The following STOX1 variants were observed in gnomAD, a reference collection of about 807,000 sequenced individuals.
STOX1 encodes the protein storkhead-box protein 1.
A neutral mutation model predicts 74.8 loss-of-function variants in STOX1; 57 were observed. That is an observed-to-expected ratio of 0.76 (90% confidence interval 0.62 to 0.95). STOX1 has a LOEUF of 0.95. STOX1 is among the 40% of genes least tolerant of loss of function. STOX1 has a pLI of 0.00. For missense variants in STOX1, 1,010 were observed against 1,117.0 expected (o/e 0.90, Z 1.37); for synonymous variants, 375 against 401.3 (o/e 0.93, Z 0.78).
At chr10:68,852,096 C>T (rs541017943) in intron 1 of STOX1, among the ~76,000 whole-genome samples, 9 of 151,316 alleles carry the variant, frequency 5.9e-5, no homozygotes, top group East Asian at 3.9e-4. Context: ...ATTGTGCCAC[C>T]GCACTCCAGC....
chr10:68,853,187 A>G (rs995342800), intron 1 of STOX1, among the ~76,000 whole-genome samples: 3 of 152,076 alleles, frequency 2.0e-5, no homozygotes, highest in African/African-American at 7.3e-5. Context: ...GGCCTCCCAA[A>G]GCTCTGGGAT....
chr10:68,834,728 C>CT lies in STOX1; in HGVS notation c.310+6802dup, dbSNP rs528572374. The stretch of plus-strand genomic sequence containing the variant: ...TAACCACTATTTGGAATTATTTTTT[C>CT]TTTTTTTGTTTTTTGAGATGGAGTC... On this transcript the variant is annotated intron_variant, in intron 1 of 3. Transcript: ENST00000298596. 1.5e-3 allele frequency among the ~76,000 whole-genome samples: 224 copies of CT among 152,130 alleles called. 2 individuals are homozygous for CT. Among genetic ancestry groups the CT allele is most frequent in the South Asian group, 5.6e-3 (27 of 4,808 alleles).
intron 1 of STOX1, among the ~76,000 whole-genome samples, chr10:68,849,739 G>C (rs1839933789): frequency 6.6e-6 from 1 of 152,146 alleles, no homozygotes; most frequent in Non-Finnish European, 1.5e-5. Flanking sequence ...TTCCTCTCAT[G>C]ATTGTTCTTT....
intron 1 of STOX1, among the ~76,000 whole-genome samples, chr10:68,847,705 G>T (rs1293385297): frequency 1.3e-5 from 2 of 150,266 alleles, no homozygotes; most frequent in African/African-American, 4.9e-5. Flanking sequence ...CCACTGCACC[G>T]CTGGAAGGTA....
At position 68,865,843 on chromosome 10, in the gene STOX1, G is replaced by A. The variant is rs192988583; in HGVS notation, c.311-16115G>A. ...GGATTCCCTTTTGAAGCTGTTCTTT[G>A]AGTAATTCATTTAAAGCCTCCAGTT... On this transcript the variant is annotated intron_variant, in intron 1 of 3. Coordinates refer to ENST00000298596, the MANE Select transcript of STOX1 (RefSeq NM_152709.5). Among the ~76,000 whole-genome samples the A allele has an allele frequency of 3.9e-3, 590 of 152,170 alleles. 3 individuals are homozygous for A. The highest frequency in any genetic ancestry group is 0.013 in the African/African-American group (560 of 41,510).
At chr10:68,833,555 G>C (rs777719664) in intron 1 of STOX1, among the ~76,000 whole-genome samples, 2 of 152,054 alleles carry the variant, frequency 1.3e-5, no homozygotes, top group African/African-American at 4.8e-5. Flanking sequence ...ACAAGCAGGG[G>C]GTACGTGACA....
At chr10:68,886,843 C>T (rs1840976446) in intron 3 of STOX1, among the ~76,000 whole-genome samples, 1 of 151,794 alleles carries the variant, frequency 6.6e-6, no homozygotes, top group African/African-American at 2.4e-5. Flanking sequence ...TCGCTTAAAC[C>T]CGGGAGGTGG....
intron 1 of STOX1, among the ~76,000 whole-genome samples, chr10:68,858,909 A>G (rs1222169125): frequency 6.6e-6 from 1 of 152,064 alleles, no homozygotes; most frequent in African/African-American, 2.4e-5. Flanking sequence ...TGGTAGCACT[A>G]CACATGTTTT....
chr10:68,869,649 G>GGTACAGTACTTAGCTGAAGGGTA (rs1279027862), intron 1 of STOX1, among the ~76,000 whole-genome samples: 2 of 152,148 alleles, frequency 1.3e-5, no homozygotes, highest in Non-Finnish European at 2.9e-5. Context: ...CACAGCTGAA[G>GGTACAGTACTTAGCTGAAGGGTA]GTACAGTACT....
At chr10:68,874,765 A>G (rs977310924) in intron 1 of STOX1, among the ~76,000 whole-genome samples, 2 of 152,052 alleles carry the variant, frequency 1.3e-5, no homozygotes, top group Non-Finnish European at 2.9e-5. Flanking sequence ...CTACAAATAA[A>G]TGCCTTCTCT....
chr10:68,867,788 T>C (rs557424508), intron 1 of STOX1, among the ~76,000 whole-genome samples: 52 of 152,362 alleles, frequency 3.4e-4, no homozygotes, highest in African/African-American at 1.2e-3. Flanking sequence ...TATGCCTTTT[T>C]GAGTGCACTG....
At position 68,864,975 on chromosome 10, in the gene STOX1, T is replaced by C. The variant is rs186803326; in HGVS notation, c.311-16983T>C. Among the ~76,000 whole-genome samples the C allele has an allele frequency of 3.2e-3, 487 of 152,348 alleles. 2 individuals carry two copies. Among genetic ancestry groups the C allele is most frequent in the Admixed American group, 5.9e-3 (91 of 15,306 alleles). ...GTGGCACTATTGTAGTGTCATTTACTAAGGTCCTCAAGTAGGAGTAAGGAG... is the reference window on the plus strand; with the variant it reads ...GTGGCACTATTGTAGTGTCATTTACCAAGGTCCTCAAGTAGGAGTAAGGAG... On this transcript the variant is annotated intron_variant, in intron 1 of 3. Transcript: ENST00000298596.
Position 68,884,312 on chromosome 10 carries a change from T to C in STOX1, c.516T>C (p.Ile172=). ...TTTATACCACTCTGGGAACGCTGAT[T>C]AAAGAAAGGAAGATTTATCACACTG... ...DILYTTLGTL[I]KERKIYHTGE... Residue 172 remains isoleucine (I), a synonymous_variant, in exon 3 of 4, where the codon ATT becomes ATC. Transcript: ENST00000298596. 1.2e-6 allele frequency: 2 copies of C among 1,614,170 alleles called. No homozygotes were observed. The highest frequency in any genetic ancestry group is 1.7e-6 in the Non-Finnish European group (2 of 1,180,038).
chr10:68,832,910 C>G (rs141374178), intron 1 of STOX1, among the ~76,000 whole-genome samples: 1 of 151,720 alleles, frequency 6.6e-6, no homozygotes, highest in East Asian at 1.9e-4. Flanking sequence ...AACACAGTTG[C>G]GTGCCACTGT....
intron 1 of STOX1, among the ~76,000 whole-genome samples, chr10:68,880,164 CTT>C (rs71028800): frequency 0.16 from 20,615 of 125,002 alleles, 2,634 homozygotes; most frequent in African/African-American, 0.38. Context: ...TCTTTCTTTC[CTT>C]TTTTTTTTTT....
chr10:68,861,864 G>A lies in STOX1; in HGVS notation c.311-20094G>A, dbSNP rs536647287. ...TATCCAAAGACAAAGTTTGTAGAGT[G>A]TCCTTCTAGATGCTTTTTTATTTTT... On this transcript the variant is annotated intron_variant, in intron 1 of 3. Transcript: ENST00000298596. Among the ~76,000 whole-genome samples, 3 of 152,220 alleles carry A rather than the reference G, an allele frequency of 2.0e-5. No individual in the cohort carries two copies. In the South Asian group the frequency reaches 6.2e-4, roughly 32 times the overall value.
chr10:68,893,063 T>C, downstream of STOX1: 1 of 241,446 alleles, frequency 4.1e-6, no homozygotes, highest in Non-Finnish European at 8.1e-6. Context: ...CCAATTTACT[T>C]CCTGTAGTGA....
At chr10:68,853,204 C>T (rs1050504520) in intron 1 of STOX1, among the ~76,000 whole-genome samples, 1 of 152,076 alleles carries the variant, frequency 6.6e-6, no homozygotes, top group Non-Finnish European at 1.5e-5. Context: ...GGATTACAGG[C>T]GTGAGCCACT....
Position 68,885,978 on chromosome 10 carries a change from G to A in STOX1, c.2182G>A (p.Asp728Asn), listed in dbSNP as rs1375831925. 4 of 1,614,056 alleles carry A rather than the reference G, an allele frequency of 2.5e-6. No homozygotes were observed. Among genetic ancestry groups the A allele is most frequent in the Non-Finnish European group, 2.5e-6 (3 of 1,180,048 alleles). The change falls in exon 3 of 4, where the codon GAT (aspartate) becomes AAT (asparagine). Residue 728 changes from aspartate (D) to asparagine (N), a missense_variant. Coordinates refer to ENST00000298596, the MANE Select transcript of STOX1 (RefSeq NM_152709.5). ...QALYQNEVED[D>N]DGACSSLYLE... The stretch of plus-strand genomic sequence containing the variant: ...CTTGTATCAGAATGAAGTGGAAGAT[G>A]ATGATGGTGCCTGTAGTTCATTATA...
Sources: allele counts gnomAD v4.1 joint callset (sites outside exome capture counted in the v4.1 genomes callset), GRCh38; gene constraint gnomAD v4.1.1; transcripts MANE v1.5; gene names NCBI Gene and HGNC (gene_info 2026-07-23, HGNC 2026-07-21).